Variants in RAPGEF3 observed in about 807,000 individuals in gnomAD.
RAPGEF3 encodes the protein 9330170P05Rik.
RAPGEF3 carries 103 observed loss-of-function variants against 129.8 expected under a neutral mutation model. The ratio of observed to expected loss-of-function variants is 0.79; its 90% CI spans 0.68 to 0.93. The LOEUF (loss-of-function observed/expected upper bound fraction) is 0.93. RAPGEF3 is among the 40% of genes least tolerant of loss of function. The pLI, the probability that RAPGEF3 is intolerant of heterozygous loss-of-function variation, is 0.00. For synonymous variants in RAPGEF3, 436 were observed against 482.6 expected (o/e 0.90, Z 1.26); for missense variants, 1,117 against 1,207.4 (o/e 0.93, Z 1.11).
At position 47,751,971 on chromosome 12, in the gene RAPGEF3, T is replaced by A; in HGVS notation, c.220-2A>T. 6.2e-7 allele frequency: 1 copy of A among 1,613,972 alleles called. No homozygotes were observed. Among genetic ancestry groups the A allele is most frequent in the Non-Finnish European group, 8.5e-7 (1 of 1,179,964 alleles). ...CTCCTCGCTGTTGGTGAGTGGTGTC[T>A]GGGGGCAGCAGGGAAAGCGTGCACA... is the stretch of plus-strand genomic sequence containing the variant. On this transcript the variant is annotated splice_acceptor_variant, in intron 2 of 27. Coordinates refer to ENST00000449771, the MANE Select transcript of RAPGEF3 (RefSeq NM_001098531.4). LOFTEE classifies it high-confidence loss of function.
chr12:47,757,599 C>T (rs779863855), intron 2 of RAPGEF3, among the ~76,000 whole-genome samples: 1 of 152,198 alleles, frequency 6.6e-6, no homozygotes, highest in Non-Finnish European at 1.5e-5. Context: ...ACTGAGGTGA[C>T]AGATAAACAA....
intron 2 of RAPGEF3, chr12:47,753,899 C>T (rs769018094): frequency 9.9e-5 from 15 of 152,210 alleles, no homozygotes; most frequent in South Asian, 2.1e-4. Context: ...CTGTCCTCCC[C>T]CAGGGGATGA....
chr12:47,747,314 C>T (rs1473879155), intron 15 of RAPGEF3, among the ~76,000 whole-genome samples: 1 of 152,154 alleles, frequency 6.6e-6, no homozygotes, highest in Admixed American at 6.5e-5. Context: ...GTGAGAACAG[C>T]AGGTGCACTC....
In RAPGEF3 at chr12:47,736,400, C is replaced by T. The variant is rs1221539029; in HGVS notation, c.*1167G>A. ...CTCTCTCTGGCCAGACAAGTGCCTC[C>T]TGCTGCCAGGACTCAGGGCAATAGC... is the stretch of plus-strand genomic sequence containing the variant. On this transcript the variant is annotated 3_prime_UTR_variant, in exon 28 of 28. Coordinates refer to ENST00000449771, the MANE Select transcript of RAPGEF3 (RefSeq NM_001098531.4). 6.6e-6 allele frequency: 1 copy of T among 152,270 alleles called. No homozygotes were observed. The highest frequency in any genetic ancestry group is 1.5e-5 in the Non-Finnish European group (1 of 68,070). 9.4% of individuals were successfully genotyped at this position (152,270 alleles called of 1,614,324 possible).
In RAPGEF3 at chr12:47,739,215, G is replaced by T; in HGVS notation, c.2389C>A (p.His797Asn). 1 of 1,611,524 alleles carries T rather than the reference G, an allele frequency of 6.2e-7. No individual in the cohort carries two copies. Among genetic ancestry groups the T allele is most frequent in the Non-Finnish European group, 8.5e-7 (1 of 1,177,906 alleles). The change falls in exon 24 of 28, where the codon CAC becomes AAC. Residue 797 changes from histidine (H) to asparagine (N), a missense_variant. His to Asn is a moderately conservative substitution (Grantham distance 68, BLOSUM62 1). Transcript: ENST00000449771. ...GCGAGGGCCAGTCGGTATACCCGGT[G>T]GTTCCATGAGGGATCCTAGGGGAAG... ...LERLLDPSWN[H>N]RVYRLALAKL...
rs368832858 is a variant in RAPGEF3 at position 47,737,518 on chromosome 12, G to A, written c.*49C>T. On this transcript the variant is annotated 3_prime_UTR_variant, in exon 28 of 28. Transcript: ENST00000449771. ...TGAGTATCTTGGCCCGGCACACCCT[G>A]GCTTTCCCGGCTGCAAGTGCCTGCT... 6 of 1,553,776 alleles carry A rather than the reference G, an allele frequency of 3.9e-6. No homozygotes were observed. Among genetic ancestry groups the A allele is most frequent in the Non-Finnish European group, 5.3e-6 (6 of 1,134,106 alleles).
intron 26 of RAPGEF3, 24 bp downstream of exon 26, chr12:47,738,169 C>T (rs757921596): frequency 6.2e-7 from 1 of 1,613,834 alleles, no homozygotes. Context: ...GGGGACCTCC[C>T]ACCCCGGGGA....
chr12:47,757,127 G>C (rs776779246), intron 2 of RAPGEF3, among the ~76,000 whole-genome samples: 1 of 152,178 alleles, frequency 6.6e-6, no homozygotes, highest in Admixed American at 6.5e-5. Flanking sequence ...AACCTGGGTG[G>C]ACACACGCAG....
At chr12:47,746,534 G>A (rs1941425903) in intron 16 of RAPGEF3, 1 of 649,134 alleles carries the variant, frequency 1.5e-6, no homozygotes, top group Admixed American at 3.0e-5. Context: ...GGAGCCCCGT[G>A]GGCCTCAGGG....
intron 1 of RAPGEF3, 80 bp downstream of exon 1, chr12:47,758,471 C>G (rs1942236594): frequency 8.8e-6 from 14 of 1,589,816 alleles, no homozygotes; most frequent in Non-Finnish European, 8.6e-7. Flanking sequence ...CCCTCCCTCT[C>G]CCACCCAAAC....
intron 16 of RAPGEF3, chr12:47,746,394 G>A (rs867060004): frequency 7.9e-5 from 39 of 490,640 alleles, no homozygotes; most frequent in African/African-American, 7.3e-4. Flanking sequence ...ACCAAATCCT[G>A]GCTGCAGTCA....
At chr12:47,754,177 T>C (rs1028612196) in intron 2 of RAPGEF3, 3 of 152,256 alleles carry the variant, frequency 2.0e-5, no homozygotes, top group Admixed American at 6.5e-5. Context: ...CATACCTATG[T>C]CTGATTCCAA....
At chr12:47,751,665 A>T (rs1941758545) in intron 4 of RAPGEF3, 58 bp downstream of exon 4, 1 of 1,602,590 alleles carries the variant, frequency 6.2e-7, no homozygotes, top group South Asian at 1.1e-5. Context: ...CCTGACATAA[A>T]GTGGAACGGA....
intron 2 of RAPGEF3, 127 bp from the exon 3 acceptor site, chr12:47,752,096 T>G: frequency 3.9e-5 from 36 of 931,382 alleles, no homozygotes; most frequent in Non-Finnish European, 5.6e-5. Flanking sequence ...ATGTGGCCAC[T>G]CCTTCAGCAA....
Position 47,737,049 on chromosome 12 carries a change from A to G in RAPGEF3, c.*518T>C, listed in dbSNP as rs780497713. The G allele has an allele frequency of 2.5e-5, 4 of 163,082 alleles. No homozygotes were observed. Among genetic ancestry groups the G allele is most frequent in the Admixed American group, 6.3e-5 (1 of 15,890 alleles). The allele number at this position is 163,082 out of a possible 1,614,324, so 10.1% of individuals were successfully genotyped here. A position where few individuals can be genotyped will look rare whatever the true frequency, so the allele number is the denominator to read the frequency against. Reference sequence around the variant, plus strand: ...ACAGTAACAATAAAGCTCCTCAGGGACCACCGCACAGGCCCGCAGCCCCAC... The same window carrying G: ...ACAGTAACAATAAAGCTCCTCAGGGGCCACCGCACAGGCCCGCAGCCCCAC... On this transcript the variant is annotated 3_prime_UTR_variant, in exon 28 of 28. Coordinates refer to ENST00000449771, the MANE Select transcript of RAPGEF3 (RefSeq NM_001098531.4).
In RAPGEF3 at chr12:47,751,796, G is replaced by A. The variant is rs766239518; in HGVS notation, c.307C>T (p.Gln103Ter). 2 of 1,614,130 alleles carry A rather than the reference G, an allele frequency of 1.2e-6. No individual in the cohort carries two copies. The highest frequency in any genetic ancestry group is 1.7e-6 in the Non-Finnish European group (2 of 1,180,026). The change falls in exon 4 of 28, where the codon CAG (glutamine) becomes TAG (stop). Residue 103 changes from glutamine to a stop codon, truncating the protein, a stop_gained. Transcript: ENST00000449771. LOFTEE classifies it high-confidence loss of function. ...STERVLRAGRQLHRHLLATCP... is the reference protein window; with the variant it reads ...STERVLRAGR ...GTGGCCAGCAGATGCCGATGCAGCT[G>A]CCTCCCAGCCCTGAGCACCCGCTCT...
At position 47,737,401 on chromosome 12, in the gene RAPGEF3, C is replaced by T. The variant is rs1234493066; in HGVS notation, c.*166G>A. On this transcript the variant is annotated 3_prime_UTR_variant, in exon 28 of 28. Transcript: ENST00000449771. Reference sequence around the variant, plus strand: ...CCACTCCGAGGTCCTCCTTAGCTGCCAGTCATCACAGGGGATGGCTGCCTC... The same window carrying T: ...CCACTCCGAGGTCCTCCTTAGCTGCTAGTCATCACAGGGGATGGCTGCCTC... 8.0e-6 allele frequency: 5 copies of T among 624,012 alleles called. No homozygotes were observed. The highest frequency in any genetic ancestry group is 1.4e-5 in the Non-Finnish European group (5 of 357,142). 38.7% of individuals were successfully genotyped at this position (624,012 alleles called of 1,614,324 possible). A position where few individuals can be genotyped will look rare whatever the true frequency, so the allele number is the denominator to read the frequency against.
intron 23 of RAPGEF3, 111 bp from the exon 24 acceptor site, chr12:47,739,341 A>C (rs1363838541): frequency 4.8e-6 from 4 of 837,460 alleles, no homozygotes; most frequent in African/African-American, 1.7e-5. Context: ...AGAGGCCCCA[A>C]CTCAGCCTCT....
intron 2 of RAPGEF3, among the ~76,000 whole-genome samples, chr12:47,757,101 C>T (rs1454181136): frequency 6.6e-6 from 1 of 152,188 alleles, no homozygotes; most frequent in Admixed American, 6.5e-5. Context: ...CAAGACCTAC[C>T]TAGGCAACAT....
Sources: gnomAD v4.1 joint callset for allele counts (sites outside exome capture counted in the v4.1 genomes callset) on GRCh38, gnomAD v4.1.1 for gene constraint, MANE v1.5 for transcripts, NCBI Gene and HGNC (gene_info 2026-07-23, HGNC 2026-07-21) for gene names.